Variants in USP6NL observed in about 807,000 individuals in gnomAD.
USP6NL encodes USP6 N-terminal like.
USP6NL carries 26 observed loss-of-function variants against 61.9 expected under a neutral mutation model. The ratio of observed to expected loss-of-function variants is 0.42; its 90% confidence interval spans 0.31 to 0.58. USP6NL has a LOEUF of 0.58. Among genes scored for constraint, USP6NL ranks in the 20% least tolerant of loss-of-function variants. The probability of loss-of-function intolerance (pLI) is 0.16; values close to 1 mark genes in which losing one functional copy is unlikely to be tolerated. For missense variants in USP6NL, 1,114 were observed against 1,034.3 expected (o/e 1.08, Z -1.06); for synonymous variants, 432 against 390.1 (o/e 1.11, Z -1.27).
rs1015777623 is a variant in USP6NL at position 11,481,344 on chromosome 10, G to C, written c.1078+426C>G. 2.0e-5 allele frequency among the ~76,000 whole-genome samples: 3 copies of C among 152,146 alleles called. No individual in the cohort carries two copies. The highest frequency in any genetic ancestry group is 7.2e-5 in the African/African-American group (3 of 41,434). On this transcript the variant is annotated intron_variant, in intron 14 of 14. Transcript: ENST00000609104. This position sits in a 1 kb window ranked among gnomAD's most constrained non-coding sequence, Gnocchi z 4.4. Reference sequence around the variant, plus strand: ...TGTGGCTTCATATTTAAGCCACTTAGGCACTAAAGTATCAATTTCCTCATC... The same window carrying C: ...TGTGGCTTCATATTTAAGCCACTTACGCACTAAAGTATCAATTTCCTCATC...
At chr10:11,551,994 C>G (rs1462962066) in intron 2 of USP6NL, among the ~76,000 whole-genome samples, 1 of 152,116 alleles carries the variant, frequency 6.6e-6, no homozygotes, top group African/African-American at 2.4e-5. Context: ...CATATTTCCA[C>G]TAAAGTAAAT....
intron 2 of USP6NL, among the ~76,000 whole-genome samples, chr10:11,531,258 G>C (rs1835644751): frequency 6.6e-6 from 1 of 152,142 alleles, no homozygotes; most frequent in Non-Finnish European, 1.5e-5. Context: ...TGTAGCTGAA[G>C]AAAAAGTTCC....
At chr10:11,514,714 GTGGAGAAGA>G (rs1319989560) in intron 5 of USP6NL, among the ~76,000 whole-genome samples, 1 of 152,152 alleles carries the variant, frequency 6.6e-6, no homozygotes, top group African/African-American at 2.4e-5. Context: ...ATTCCCTGTA[GTGGAGAAGA>G]TGTTCAAAAC....
chr10:11,522,599 T>C (rs1591883454), intron 4 of USP6NL, among the ~76,000 whole-genome samples: 1 of 152,362 alleles, frequency 6.6e-6, no homozygotes, highest in Admixed American at 6.5e-5. Context: ...ATCTGTGTTG[T>C]CTGTTTTAGG....
At position 11,600,314 on chromosome 10, in the gene USP6NL, C is replaced by G. The variant is rs544696484; in HGVS notation, c.-83-2597G>C. Among the ~76,000 whole-genome samples, 12 of 152,222 alleles carry G rather than the reference C, an allele frequency of 7.9e-5. No homozygotes were observed. In the South Asian group the frequency reaches 1.7e-3, roughly 21 times the overall value. ...AGGAGCACTGAGGCAGCCTGCCTTC[C>G]CTTGTGCTCCTACATGCAGAACAAG... On this transcript the variant is annotated intron_variant, in intron 1 of 14. Transcript: ENST00000609104. The surrounding 1 kb of genome is among the most constrained non-coding windows in gnomAD (Gnocchi z 4.1).
intron 4 of USP6NL, among the ~76,000 whole-genome samples, chr10:11,523,588 G>A (rs980030935): frequency 1.3e-5 from 2 of 151,916 alleles, no homozygotes; most frequent in Non-Finnish European, 2.9e-5. Context: ...ATTTTACATT[G>A]GAATCCATAA....
chr10:11,479,807 C>T (rs924963267), intron 14 of USP6NL, among the ~76,000 whole-genome samples: 3 of 152,080 alleles, frequency 2.0e-5, no homozygotes, highest in Admixed American at 1.3e-4. Flanking sequence ...GGTCTCCTGA[C>T]CTCGTGATCT....
chr10:11,489,128 AAG>A lies in USP6NL; in HGVS notation c.636_637del (p.Phe213LeufsTer4), dbSNP rs779097521. ...ATGCATGGCATGTTTAGGGCCTGAG[AAG>A]AGTTTGACCAGGGCCCAGAAGGCAT... is the stretch of plus-strand genomic sequence containing the variant. On this transcript the variant is annotated frameshift_variant, in exon 10 of 15. Transcript: ENST00000609104. LOFTEE classifies it high-confidence loss of function. This position sits in a 1 kb window ranked among gnomAD's most constrained non-coding sequence, Gnocchi z 5.7. 6.2e-7 allele frequency: 1 copy of A among 1,613,924 alleles called. No individual in the cohort carries two copies. Among genetic ancestry groups the A allele is most frequent in the Non-Finnish European group, 8.5e-7 (1 of 1,179,832 alleles).
Position 11,490,766 on chromosome 10 carries a change from C to T in USP6NL, c.543+66G>A, listed in dbSNP as rs1833682235. The T allele has an allele frequency of 3.4e-6, 5 of 1,468,724 alleles. No individual in the cohort carries two copies. The highest frequency in any genetic ancestry group is 3.7e-6 in the Non-Finnish European group (4 of 1,085,646). 91.0% of individuals were successfully genotyped at this position (1,468,724 alleles called of 1,614,324 possible). A position where few individuals can be genotyped will look rare whatever the true frequency, so the allele number is the denominator to read the frequency against. ...GAGATGCAGAAATGTGCCCACAGGG[C>T]CCTGCTAAGTAGGGAGTACCTCAGA... On this transcript the variant is annotated intron_variant, in intron 9 of 14. Transcript: ENST00000609104. This position sits in a 1 kb window ranked among gnomAD's most constrained non-coding sequence, Gnocchi z 4.5.
intron 2 of USP6NL, among the ~76,000 whole-genome samples, chr10:11,550,737 CAG>C (rs1178639800): frequency 6.6e-6 from 1 of 151,194 alleles, no homozygotes; most frequent in Non-Finnish European, 1.5e-5. Flanking sequence ...AGCTGGGCAA[CAG>C]AGTGAGACTC....
chr10:11,525,772 G>T lies in USP6NL; in HGVS notation c.73-304C>A, dbSNP rs559326664. ...AGCTAATGAGGAAAGAAGAGCGATG[G>T]GGATGAGAAAGCCACTCCAGAAGAA... On this transcript the variant is annotated intron_variant, in intron 3 of 14. Transcript: ENST00000609104. The surrounding 1 kb of genome is among the most constrained non-coding windows in gnomAD (Gnocchi z 5.0). 6.6e-6 allele frequency among the ~76,000 whole-genome samples: 1 copy of T among 152,272 alleles called. No homozygotes were observed. The highest frequency in any genetic ancestry group is 1.9e-4 in the East Asian group (1 of 5,186).
chr10:11,567,723 T>C (rs1837216695), intron 2 of USP6NL, among the ~76,000 whole-genome samples: 1 of 152,116 alleles, frequency 6.6e-6, no homozygotes, highest in South Asian at 2.1e-4. Flanking sequence ...ACAACAATAA[T>C]AAAAATAACA....
At chr10:11,493,338 C>T in intron 7 of USP6NL, 110 bp from the exon 8 acceptor site, 2 of 879,096 alleles carry the variant, frequency 2.3e-6, no homozygotes, top group South Asian at 1.7e-5. Flanking sequence ...AAAAATCACT[C>T]AATGGTTAAA....
At chr10:11,578,963 T>C (rs1566195125) in intron 2 of USP6NL, among the ~76,000 whole-genome samples, 1 of 152,140 alleles carries the variant, frequency 6.6e-6, no homozygotes, top group Non-Finnish European at 1.5e-5. Context: ...ACCACAGAAA[T>C]TAGCAAACAC....
At chr10:11,466,959 C>T (rs1031583049) in intron 14 of USP6NL, among the ~76,000 whole-genome samples, 7 of 152,224 alleles carry the variant, frequency 4.6e-5, no homozygotes, top group African/African-American at 1.7e-4. Context: ...CATTAAGGAG[C>T]TCATGAGGGT....
At chr10:11,483,198 G>A (rs1833278067) in intron 13 of USP6NL, among the ~76,000 whole-genome samples, 1 of 152,030 alleles carries the variant, frequency 6.6e-6, no homozygotes, top group Admixed American at 6.5e-5. Flanking sequence ...CTCTAACCAA[G>A]AAAAATACAC....
intron 2 of USP6NL, among the ~76,000 whole-genome samples, chr10:11,559,352 G>T (rs1012426348): frequency 1.3e-5 from 2 of 152,034 alleles, no homozygotes; most frequent in African/African-American, 4.8e-5. Flanking sequence ...TAAAAATAAG[G>T]ATATAGCCTA....
chr10:11,507,851 T>C (rs1394268451), intron 6 of USP6NL, among the ~76,000 whole-genome samples: 2 of 152,196 alleles, frequency 1.3e-5, no homozygotes, highest in East Asian at 3.8e-4. Flanking sequence ...GGGTAGGTAG[T>C]ACAGCAGAAA....
Position 11,546,268 on chromosome 10 carries a change from T to G in USP6NL, c.5-18701A>C, listed in dbSNP as rs1591912750. Among the ~76,000 whole-genome samples the G allele has an allele frequency of 3.3e-5, 5 of 152,356 alleles. No individual in the cohort carries two copies. In the South Asian group the frequency reaches 1.0e-3, roughly 32 times the overall value. Reference sequence around the variant, plus strand: ...AGAGAAAGGTAAACTATAAACTGTTTCTAACATGAATAGAAAACTAAAGAG... The same window carrying G: ...AGAGAAAGGTAAACTATAAACTGTTGCTAACATGAATAGAAAACTAAAGAG... On this transcript the variant is annotated intron_variant, in intron 2 of 14. Transcript: ENST00000609104.
Sources: allele counts gnomAD v4.1 joint callset (sites outside exome capture counted in the v4.1 genomes callset), GRCh38; gene constraint gnomAD v4.1.1; non-coding constraint Gnocchi (gnomAD v3.1); transcripts MANE v1.5; gene names NCBI Gene and HGNC (gene_info 2026-07-23, HGNC 2026-07-21).